Variants in LARS1 observed in about 807,000 individuals in gnomAD.
The protein encoded by LARS1 is leucine--tRNA ligase, cytoplasmic.
LARS1 carries 100 observed loss-of-function variants against 162.8 expected under a neutral mutation model. The ratio of observed to expected loss-of-function variants is 0.61; its 90% CI spans 0.52 to 0.73. The LOEUF (loss-of-function observed/expected upper bound fraction) is 0.73. Among genes scored for constraint, LARS1 ranks in the 30% least tolerant of loss-of-function variants. The pLI is 0.00. For synonymous variants in LARS1, 457 were observed against 462.8 expected (o/e 0.99, Z 0.16); for missense variants, 1,258 against 1,408.9 (o/e 0.89, Z 1.71).
At chr5:146,177,718 A>G in intron 1 of LARS1, 53 bp from the exon 2 acceptor site, 6 of 927,712 alleles carry the variant, frequency 6.5e-6, no homozygotes, top group Non-Finnish European at 1.0e-5. Context: ...GCTTGCTTTA[A>G]AAAAGAATTG....
intron 21 of LARS1, 27 bp from the exon 22 acceptor site, chr5:146,135,691 A>C (rs1371894035): frequency 6.5e-7 from 1 of 1,530,050 alleles, no homozygotes; most frequent in East Asian, 2.3e-5. Context: ...GTGATCAATC[A>C]TTAATAACAG....
chr5:146,175,918 G>T (rs1754539727), intron 2 of LARS1, among the ~76,000 whole-genome samples: 2 of 152,054 alleles, frequency 1.3e-5, no homozygotes, highest in Non-Finnish European at 2.9e-5. Context: ...GCTTTGAGAG[G>T]CCAAGGCAGA....
chr5:146,137,835 GA>G, intron 21 of LARS1: 1 of 259,252 alleles, frequency 3.9e-6, no homozygotes, highest in Non-Finnish European at 7.5e-6. Flanking sequence ...TCTTAAAATT[GA>G]AGGTGTTAGC....
intron 2 of LARS1, among the ~76,000 whole-genome samples, chr5:146,176,083 T>C (rs901260739): frequency 6.6e-6 from 1 of 151,802 alleles, no homozygotes; most frequent in Non-Finnish European, 1.5e-5. Flanking sequence ...GCTCGGGAGT[T>C]TGAAGTTACA....
intron 26 of LARS1, 66 bp from the exon 27 acceptor site, chr5:146,128,848 T>G: frequency 1.4e-6 from 2 of 1,444,356 alleles, no homozygotes; most frequent in Non-Finnish European, 1.9e-6. Flanking sequence ...AGAAGAACCC[T>G]CCCCCAACAT....
In LARS1 at chr5:146,113,824, T is replaced by C. The variant is rs1307494953; in HGVS notation, c.*282A>G. ...AAGCATACTGACACTTTTATGTTCATCTTAAAAACCAGAAACTTCTAGGAA... is the reference window on the plus strand; with the variant it reads ...AAGCATACTGACACTTTTATGTTCACCTTAAAAACCAGAAACTTCTAGGAA... On this transcript the variant is annotated 3_prime_UTR_variant, in exon 32 of 32. Transcript: ENST00000394434. 7 of 379,710 alleles carry C rather than the reference T, an allele frequency of 1.8e-5. No individual in the cohort carries two copies. Among genetic ancestry groups the C allele is most frequent in the Non-Finnish European group, 3.4e-5 (7 of 208,420 alleles). 23.5% of individuals were successfully genotyped at this position (379,710 alleles called of 1,614,324 possible).
intron 18 of LARS1, among the ~76,000 whole-genome samples, chr5:146,143,929 G>A (rs758665922): frequency 4.6e-5 from 7 of 152,172 alleles, no homozygotes; most frequent in Non-Finnish European, 1.0e-4. Context: ...TTGAACCCGG[G>A]AGGCAGAGGT....
At chr5:146,182,091 C>T in intron 1 of LARS1, 1 of 191,622 alleles carries the variant, frequency 5.2e-6, no homozygotes, top group Non-Finnish European at 1.1e-5. Flanking sequence ...CAGGCGCGCA[C>T]CACTACGCCC....
intron 15 of LARS1, among the ~76,000 whole-genome samples, chr5:146,145,637 T>C (rs1752978093): frequency 6.6e-6 from 1 of 152,222 alleles, no homozygotes; most frequent in Non-Finnish European, 1.5e-5. Context: ...AATGCTATGA[T>C]GATCCTAAAC....
chr5:146,154,746 C>T (rs1290975806), intron 10 of LARS1, among the ~76,000 whole-genome samples: 1 of 151,164 alleles, frequency 6.6e-6, no homozygotes, highest in Non-Finnish European at 1.5e-5. Flanking sequence ...CCACTGCACT[C>T]CAGCCTGGGT....
intron 1 of LARS1, chr5:146,181,134 A>T (rs13159380): frequency 0.22 from 33,864 of 151,976 alleles, 4,829 homozygotes; most frequent in Admixed American, 0.34. Context: ...CGGGCAGATC[A>T]CGAGGTCAGG....
intron 15 of LARS1, among the ~76,000 whole-genome samples, chr5:146,148,162 G>A (rs1753103395): frequency 6.6e-6 from 1 of 152,156 alleles, no homozygotes; most frequent in Non-Finnish European, 1.5e-5. Flanking sequence ...GCTATCAGAG[G>A]CAGAATTTCA....
In LARS1 at chr5:146,138,545, A is replaced by T. The variant is rs557491084; in HGVS notation, c.2148+1659T>A. 6.6e-5 allele frequency among the ~76,000 whole-genome samples: 10 copies of T among 151,722 alleles called. 1 individual carries two copies. In the South Asian group the frequency reaches 2.1e-3, roughly 32 times the overall value. ...AGTTCCAGATCAGCCTGGCCAACATACTGAAACCCTGTCTCTACTAAAAAC... is the reference window on the plus strand; with the variant it reads ...AGTTCCAGATCAGCCTGGCCAACATTCTGAAACCCTGTCTCTACTAAAAAC... On this transcript the variant is annotated intron_variant, in intron 21 of 31. Transcript: ENST00000394434.
intron 25 of LARS1, among the ~76,000 whole-genome samples, chr5:146,129,321 T>C (rs913830242): frequency 2.6e-5 from 4 of 152,180 alleles, no homozygotes; most frequent in Non-Finnish European, 5.9e-5. Flanking sequence ...CTCTACATTC[T>C]TAATTAGCAT....
At chr5:146,115,056 A>G (rs1408981298) in intron 31 of LARS1, among the ~76,000 whole-genome samples, 5 of 150,518 alleles carry the variant, frequency 3.3e-5, no homozygotes, top group African/African-American at 1.2e-4. Flanking sequence ...GAAAAAAAAA[A>G]AAAAAAAAAA....
chr5:146,181,848 CTTTTTTTTTTTTTTTTTTTTT>C (rs34658033), intron 1 of LARS1, among the ~76,000 whole-genome samples: 4 of 53,030 alleles, frequency 7.5e-5, no homozygotes, highest in African/African-American at 1.4e-4. Flanking sequence ...TCAATTTTTT[CTTTTTTTTTTTTTTTTTTTTT>C]TTTTTTTTTT....
chr5:146,178,822 T>C (rs1190676941), intron 1 of LARS1, among the ~76,000 whole-genome samples: 1 of 151,678 alleles, frequency 6.6e-6, no homozygotes, highest in Non-Finnish European at 1.5e-5. Flanking sequence ...TGGCTGGATG[T>C]AGTGCCTCAT....
intron 2 of LARS1, among the ~76,000 whole-genome samples, chr5:146,174,111 C>T (rs928263330): frequency 7.7e-6 from 1 of 130,346 alleles, no homozygotes; most frequent in African/African-American, 2.9e-5. Flanking sequence ...AGTATAACAC[C>T]AGAGACTATA....
chr5:146,142,786 C>T, intron 20 of LARS1, 86 bp downstream of exon 20: 1 of 1,022,592 alleles, frequency 9.8e-7, no homozygotes, highest in Non-Finnish European at 1.4e-6. Flanking sequence ...ACCATCCCCT[C>T]CACAATAATT....
Sources: gnomAD v4.1 joint callset for allele counts (sites outside exome capture counted in the v4.1 genomes callset) on GRCh38, gnomAD v4.1.1 for gene constraint, MANE v1.5 for transcripts, NCBI Gene and HGNC (gene_info 2026-07-23, HGNC 2026-07-21) for gene names.